Variants in DOCK4 observed in about 807,000 individuals in gnomAD.
The protein encoded by DOCK4 is dedicator of cytokinesis 4.
DOCK4 carries 97 observed loss-of-function variants against 268.1 expected under a neutral mutation model. The observed-to-expected ratio is 0.36, with a 90% CI of 0.31 to 0.43. DOCK4 has a LOEUF of 0.43. DOCK4 is among the 20% of genes least tolerant of loss of function. The pLI is 1.00. For missense variants in DOCK4, 2,145 were observed against 2,455.7 expected, an observed-to-expected ratio of 0.87 and a Z score of 2.67; for synonymous variants, 954 against 887.2, an observed-to-expected ratio of 1.08 and a Z score of -1.34.
At chr7:111,928,532 G>A (rs1031602342) in intron 12 of DOCK4, among the ~76,000 whole-genome samples, 1 of 150,974 alleles carries the variant, frequency 6.6e-6, no homozygotes, top group Non-Finnish European at 1.5e-5. Context: ...GATTTAGATC[G>A]AAGGAAACAA....
At chr7:112,128,713 G>T (rs1305471314) in intron 1 of DOCK4, among the ~76,000 whole-genome samples, 1 of 151,964 alleles carries the variant, frequency 6.6e-6, no homozygotes, top group African/African-American at 2.4e-5. Flanking sequence ...ATGCTTGAAG[G>T]CAGCATGCTC....
chr7:111,747,152 A>C (rs945547838), intron 43 of DOCK4, 115 bp downstream of exon 43: 5 of 920,658 alleles, frequency 5.4e-6, no homozygotes, highest in Non-Finnish European at 7.8e-6. Flanking sequence ...CTCTGTGTCA[A>C]TCGCAGCCCT....
At chr7:111,876,179 C>G (rs1044868598) in intron 17 of DOCK4, among the ~76,000 whole-genome samples, 2 of 152,116 alleles carry the variant, frequency 1.3e-5, no homozygotes, top group African/African-American at 4.8e-5. Context: ...CCTGGTATAA[C>G]ATATCTTAAC....
At chr7:111,991,942 CAGAG>C (rs1376814597) in intron 5 of DOCK4, among the ~76,000 whole-genome samples, 4 of 112,552 alleles carry the variant, frequency 3.6e-5, no homozygotes, top group East Asian at 2.9e-4. Flanking sequence ...GCCTGGGCAA[CAGAG>C]AGAGACTCTG....
chr7:112,055,399 A>G (rs1312361063), intron 1 of DOCK4, among the ~76,000 whole-genome samples: 1 of 152,180 alleles, frequency 6.6e-6, no homozygotes, highest in Non-Finnish European at 1.5e-5. Flanking sequence ...AGATACGCCA[A>G]TGAACCTATC....
chr7:112,195,300 A>C (rs1382646650), intron 1 of DOCK4, among the ~76,000 whole-genome samples: 1 of 152,126 alleles, frequency 6.6e-6, no homozygotes, highest in African/African-American at 2.4e-5. Context: ...AAACTAGCAA[A>C]CAAACTGGAG....
At chr7:112,016,310 G>A (rs989885090) in intron 1 of DOCK4, among the ~76,000 whole-genome samples, 1 of 152,172 alleles carries the variant, frequency 6.6e-6, no homozygotes, top group African/African-American at 2.4e-5. Flanking sequence ...ACAATTAAAT[G>A]TAGAATATGC....
chr7:111,960,276 A>G (rs1057201631), intron 8 of DOCK4, among the ~76,000 whole-genome samples: 5 of 151,344 alleles, frequency 3.3e-5, no homozygotes, highest in Admixed American at 3.3e-4. Flanking sequence ...AGGCAGGAGA[A>G]TCGCTTGAAC....
Position 111,728,434 on chromosome 7 carries a change from A to G in DOCK4, c.5768T>C (p.Val1923Ala). 6.3e-7 allele frequency: 1 copy of G among 1,591,488 alleles called. No individual in the cohort carries two copies. The highest frequency in any genetic ancestry group is 8.6e-7 in the Non-Finnish European group (1 of 1,167,470). ...SVYERTLRRPVPLPHSLSIPV... is the reference protein window; with the variant it reads ...SVYERTLRRPAPLPHSLSIPV... ...GATGGAGAGGCTGTGAGGTAGCGGG[A>G]CGGGGCGCCGCAGAGTCCGCTCGTA... The change falls in exon 53 of 53, where the codon GTC becomes GCC. Residue 1923 changes from valine (V) to alanine (A), a missense_variant. By Grantham distance (64) the Val-to-Ala change is moderately conservative. This residue lies in a region of DOCK4 where 547 missense variants were observed against 469.0 expected (regional missense o/e 1.17). Transcript: ENST00000428084.
chr7:111,929,478 T>A (rs1794016856), intron 12 of DOCK4, among the ~76,000 whole-genome samples: 1 of 152,190 alleles, frequency 6.6e-6, no homozygotes, highest in Non-Finnish European at 1.5e-5. Flanking sequence ...GTGGTGCCAA[T>A]AAGTACTACT....
intron 1 of DOCK4, among the ~76,000 whole-genome samples, chr7:112,048,062 T>C (rs905304904): frequency 5.3e-5 from 8 of 152,096 alleles, no homozygotes; most frequent in African/African-American, 1.7e-4. Flanking sequence ...TGTGAGTAAC[T>C]GTAGTCTCCA....
At chr7:111,741,921 A>G in intron 45 of DOCK4, 92 bp downstream of exon 45, 4 of 1,468,438 alleles carry the variant, frequency 2.7e-6, no homozygotes, top group Non-Finnish European at 3.6e-6. Context: ...TAGAAAAACC[A>G]CAAGATGTCA....
chr7:111,822,431 A>G lies in DOCK4; in HGVS notation c.2861T>C (p.Val954Ala). The G allele has an allele frequency of 6.2e-7, 1 of 1,613,406 alleles. No homozygotes were observed. Among genetic ancestry groups the G allele is most frequent in the Non-Finnish European group, 8.5e-7 (1 of 1,179,674 alleles). The change falls in exon 27 of 53, where the codon GTG becomes GCG. Residue 954 changes from valine to alanine, a missense_variant. By Grantham distance (64) the Val-to-Ala change is moderately conservative (BLOSUM62 0). Around this residue, in one of 2 missense-constraint regions of DOCK4, gnomAD observed 1,598 missense variants for 1,986.7 expected, o/e 0.80. Coordinates refer to ENST00000428084, the MANE Select transcript of DOCK4 (RefSeq NM_001363540.2). The stretch of plus-strand genomic sequence containing the variant: ...CTCCGGGCGTATCAATATTCGGAAC[A>G]CAGTAAATATCTGCAGCAGGAAATC... ...LRDFLLQIFT[V>A]FRILIRPEMF...
chr7:111,735,401 C>A (rs1795405194), intron 50 of DOCK4, among the ~76,000 whole-genome samples: 1 of 152,206 alleles, frequency 6.6e-6, no homozygotes, highest in South Asian at 2.1e-4. Flanking sequence ...TCAAAGGGAA[C>A]TACAAATCTT....
intron 13 of DOCK4, among the ~76,000 whole-genome samples, chr7:111,902,355 C>T (rs1361516399): frequency 2.6e-5 from 4 of 152,126 alleles, no homozygotes; most frequent in Non-Finnish European, 5.9e-5. Context: ...CAGACAAACT[C>T]GGCTTAATAT....
intron 1 of DOCK4, among the ~76,000 whole-genome samples, chr7:112,030,952 A>G (rs1000890583): frequency 1.3e-5 from 2 of 152,246 alleles, no homozygotes; most frequent in Non-Finnish European, 2.9e-5. Context: ...CTTTTAAGGC[A>G]GAAGTCACTG....
chr7:112,085,295 A>G (rs1475694215), intron 1 of DOCK4, among the ~76,000 whole-genome samples: 2 of 152,148 alleles, frequency 1.3e-5, no homozygotes, highest in African/African-American at 4.8e-5. Flanking sequence ...GAGATTTTAA[A>G]TCCATAGCCC....
At chr7:112,126,110 C>T (rs1376126967) in intron 1 of DOCK4, among the ~76,000 whole-genome samples, 1 of 152,156 alleles carries the variant, frequency 6.6e-6, no homozygotes, top group African/African-American at 2.4e-5. Flanking sequence ...CTACACTATT[C>T]TTATTATTGA....
At chr7:111,834,530 TA>T in intron 26 of DOCK4, 57 bp downstream of exon 26, 1 of 1,313,296 alleles carries the variant, frequency 7.6e-7, no homozygotes, top group African/African-American at 1.5e-5. Context: ...CAGTGATGAA[TA>T]AAAACAAGAT....
Sources: gnomAD v4.1 joint callset for allele counts (sites outside exome capture counted in the v4.1 genomes callset) on GRCh38, gnomAD v4.1.1 for gene constraint, gnomAD v4.1.1 regional missense constraint, MANE v1.5 for transcripts, NCBI Gene and HGNC (gene_info 2026-07-23, HGNC 2026-07-21) for gene names.